Variants in FYN observed in about 807,000 individuals in gnomAD.
FYN encodes tyrosine-protein kinase Fyn.
FYN carries 10 observed loss-of-function variants against 70.2 expected under a neutral mutation model. The ratio of observed to expected loss-of-function variants is 0.14; its 90% CI spans 0.09 to 0.24. The LOEUF (loss-of-function observed/expected upper bound fraction) is 0.24, where lower values mean the gene tolerates loss of function less well. FYN is among the 10% of genes least tolerant of loss of function. The pLI is 1.00. For synonymous variants in FYN, 236 were observed against 248.6 expected (o/e 0.95, Z 0.48); for missense variants, 319 against 673.1 (o/e 0.47, Z 5.82).
intron 8 of FYN, among the ~76,000 whole-genome samples, chr6:111,702,070 C>A (rs1015948722): frequency 6.6e-6 from 1 of 151,886 alleles, no homozygotes; most frequent in Non-Finnish European, 1.5e-5. Context: ...ATGGGTCACA[C>A]AAAAAAATAT....
intron 3 of FYN, among the ~76,000 whole-genome samples, chr6:111,758,626 A>C (rs953696888): frequency 2.0e-5 from 3 of 152,320 alleles, no homozygotes; most frequent in East Asian, 3.9e-4. Context: ...TTTTCTCCTG[A>C]ACTCCTGTTC....
At chr6:111,755,425 C>T (rs970988618) in intron 3 of FYN, among the ~76,000 whole-genome samples, 3 of 152,124 alleles carry the variant, frequency 2.0e-5, no homozygotes, top group African/African-American at 7.2e-5. Context: ...CAAAGTGACA[C>T]ATACAGTGAG....
chr6:111,861,722 C>G (rs527864779), intron 1 of FYN, among the ~76,000 whole-genome samples: 1 of 152,210 alleles, frequency 6.6e-6, no homozygotes, highest in Non-Finnish European at 1.5e-5. Context: ...GAAGGCTCTT[C>G]ATGAATGCAG....
At chr6:111,827,133 A>G (rs1447392610) in intron 2 of FYN, among the ~76,000 whole-genome samples, 1 of 152,186 alleles carries the variant, frequency 6.6e-6, no homozygotes, top group Non-Finnish European at 1.5e-5. Flanking sequence ...AGAGAGTCAG[A>G]GAGAAGAAGC....
intron 4 of FYN, among the ~76,000 whole-genome samples, chr6:111,715,588 T>G (rs1291248320): frequency 3.3e-5 from 5 of 152,146 alleles, no homozygotes; most frequent in Non-Finnish European, 7.3e-5. Flanking sequence ...GCTTGTGTAC[T>G]TTGATGAAGC....
intron 2 of FYN, among the ~76,000 whole-genome samples, chr6:111,815,712 CTTT>C (rs11320954): frequency 2.1e-5 from 3 of 140,502 alleles, no homozygotes; most frequent in Non-Finnish European, 3.1e-5. Context: ...CTGAGTACTT[CTTT>C]TTTTTTTTTT....
chr6:111,707,884 A>AGTTAAGTG, intron 6 of FYN, 38 bp downstream of exon 6: 1 of 1,487,800 alleles, frequency 6.7e-7, no homozygotes, highest in Non-Finnish European at 9.4e-7. Flanking sequence ...ATCAACTTTT[A>AGTTAAGTG]AAATCAAGTA....
chr6:111,772,337 C>T (rs1044746686), intron 3 of FYN, among the ~76,000 whole-genome samples: 1 of 152,096 alleles, frequency 6.6e-6, no homozygotes, highest in Non-Finnish European at 1.5e-5. Context: ...AAATATCAGA[C>T]AATATTCCAA....
At chr6:111,737,854 G>A (rs1285742874) in intron 3 of FYN, among the ~76,000 whole-genome samples, 4 of 152,104 alleles carry the variant, frequency 2.6e-5, no homozygotes, top group Non-Finnish European at 5.9e-5. Context: ...AGAAAACAGT[G>A]ACCAAATATA....
intron 2 of FYN, among the ~76,000 whole-genome samples, chr6:111,821,068 C>A (rs1309498259): frequency 6.6e-6 from 1 of 152,060 alleles, no homozygotes; most frequent in Admixed American, 6.6e-5. Context: ...AAAAACATAA[C>A]CTGAAAGTTC....
intron 1 of FYN, among the ~76,000 whole-genome samples, chr6:111,852,935 G>A (rs189951515): frequency 2.6e-4 from 39 of 152,236 alleles, no homozygotes; most frequent in Middle Eastern, 3.4e-3. Flanking sequence ...ACAGTAGCAC[G>A]TTCCACAAAG....
chr6:111,665,429 T>C (rs919403315), intron 13 of FYN, among the ~76,000 whole-genome samples: 24 of 152,172 alleles, frequency 1.6e-4, no homozygotes, highest in Non-Finnish European at 1.3e-4. Context: ...GATGGTTTCA[T>C]ATTTTTGTTA....
intron 5 of FYN, among the ~76,000 whole-genome samples, chr6:111,714,062 G>A (rs1800509238): frequency 6.6e-6 from 1 of 152,178 alleles, no homozygotes; most frequent in Non-Finnish European, 1.5e-5. Flanking sequence ...GCTGTGGAGA[G>A]CGATGCTGGT....
intron 8 of FYN, among the ~76,000 whole-genome samples, chr6:111,701,955 T>G (rs1339093440): frequency 6.6e-6 from 1 of 152,190 alleles, no homozygotes; most frequent in Non-Finnish European, 1.5e-5. Flanking sequence ...TGCCAAAAAT[T>G]ATACATACAT....
intron 3 of FYN, among the ~76,000 whole-genome samples, chr6:111,732,635 T>C (rs1801517879): frequency 6.6e-6 from 1 of 152,236 alleles, no homozygotes. Flanking sequence ...CAGACTCTCT[T>C]GCAGCTAGGT....
intron 8 of FYN, among the ~76,000 whole-genome samples, chr6:111,700,880 G>C (rs1392559731): frequency 1.3e-5 from 2 of 151,972 alleles, no homozygotes; most frequent in East Asian, 3.9e-4. Context: ...ATAACTGGTG[G>C]GGAAAAAAAG....
At chr6:111,696,103 G>A (rs1799561693) in intron 10 of FYN, among the ~76,000 whole-genome samples, 174 bp downstream of exon 10, 1 of 152,200 alleles carries the variant, frequency 6.6e-6, no homozygotes, top group Admixed American at 6.5e-5. Flanking sequence ...TAAACGCAAG[G>A]TTAGTCTGTT....
At chr6:111,667,569 A>G (rs1418952641) in intron 13 of FYN, among the ~76,000 whole-genome samples, 1 of 152,158 alleles carries the variant, frequency 6.6e-6, no homozygotes, top group Non-Finnish European at 1.5e-5. Flanking sequence ...TTTAGATTCT[A>G]TAGGGAAGGA....
intron 2 of FYN, among the ~76,000 whole-genome samples, chr6:111,805,099 C>T (rs1256285111): frequency 2.6e-5 from 4 of 152,042 alleles, no homozygotes; most frequent in Non-Finnish European, 4.4e-5. Flanking sequence ...CCACATGACT[C>T]GAAGTGTGTT....
Sources: gnomAD v4.1 joint callset for allele counts (sites outside exome capture counted in the v4.1 genomes callset) on GRCh38, gnomAD v4.1.1 for gene constraint, MANE v1.5 for transcripts, NCBI Gene and HGNC (gene_info 2026-07-23, HGNC 2026-07-21) for gene names.